RARB: variants seen among roughly 807,000 people sequenced by gnomAD.
RARB encodes HBV-activated protein.
A neutral mutation model predicts 51.9 loss-of-function variants in RARB; 17 were observed. That is an observed-to-expected ratio of 0.33 (90% CI 0.22 to 0.49). RARB has a LOEUF of 0.49. Among genes scored for constraint, RARB ranks in the 20% least tolerant of loss-of-function variants. The pLI, the probability that RARB is intolerant of heterozygous loss-of-function variation, is 0.99. For missense variants in RARB, 369 were observed against 550.8 expected (o/e 0.67, Z 3.30); for synonymous variants, 215 against 195.4 (o/e 1.10, Z -0.84).
chr3:25,579,152 A>G (rs1489922480), intron 4 of RARB, among the ~76,000 whole-genome samples: 1 of 152,228 alleles, frequency 6.6e-6, no homozygotes, highest in African/African-American at 2.4e-5. Flanking sequence ...TTGAATTAAA[A>G]TTTAGATAAG....
At chr3:24,910,851 T>C (rs1694975977) in intron 2 of RARB, among the ~76,000 whole-genome samples, 1 of 152,216 alleles carries the variant, frequency 6.6e-6, no homozygotes, top group South Asian at 2.1e-4. Context: ...AACTCAGTTT[T>C]GTGGCTACTC....
chr3:25,063,708 C>CTT lies in RARB; in HGVS notation c.-328+3548_-328+3549dup, dbSNP rs749930990. Among the ~76,000 whole-genome samples the CTT allele has an allele frequency of 3.3e-3, 462 of 138,384 alleles. 10 individuals carry two copies. The East Asian group carries it at 0.044, about 13-fold the overall frequency. 90.8% of individuals were successfully genotyped at this position (138,384 alleles called of 152,430 possible). ...GGTCCGTAGACCTTGTAGTTTGAGA[C>CTT]TTTTTTTTTTTTTTTTTAAAAAGAT... On this transcript the variant is annotated intron_variant, in intron 3 of 11. Coordinates refer to the RARB transcript ENST00000383772.
At chr3:25,104,332 C>T (rs978526893) in intron 3 of RARB, among the ~76,000 whole-genome samples, 1 of 152,106 alleles carries the variant, frequency 6.6e-6, no homozygotes, top group South Asian at 2.1e-4. Context: ...TGAACATGCA[C>T]TCATCTTATC....
chr3:25,064,208 T>C (rs1416127989), intron 3 of RARB, among the ~76,000 whole-genome samples: 1 of 152,128 alleles, frequency 6.6e-6, no homozygotes, highest in East Asian at 1.9e-4. Flanking sequence ...CATTATAAGA[T>C]TGCCATCTCA....
At chr3:25,079,663 G>A (rs1295947989) in intron 3 of RARB, among the ~76,000 whole-genome samples, 1 of 151,982 alleles carries the variant, frequency 6.6e-6, no homozygotes. Flanking sequence ...TCTTTACTCT[G>A]TTAATGTGAT....
chr3:25,382,417 C>CG (rs1706655367), intron 5 of RARB, among the ~76,000 whole-genome samples: 2 of 152,058 alleles, frequency 1.3e-5, no homozygotes, highest in South Asian at 2.1e-4. Context: ...GAGAATTTCC[C>CG]CTGCAGGGAC....
intron 5 of RARB, among the ~76,000 whole-genome samples, chr3:25,364,624 G>A (rs2125466608): frequency 6.6e-6 from 1 of 152,332 alleles, no homozygotes; most frequent in Non-Finnish European, 1.5e-5. Context: ...GATGAAGTAA[G>A]AGAGCAATGG....
intron 3 of RARB, among the ~76,000 whole-genome samples, chr3:25,531,821 G>A (rs886358056): frequency 6.6e-6 from 1 of 151,982 alleles, no homozygotes; most frequent in Non-Finnish European, 1.5e-5. Context: ...ATTTGAGAGG[G>A]GCAAAGAAGA....
chr3:25,420,586 G>T (rs1255796595), intron 5 of RARB, among the ~76,000 whole-genome samples: 1 of 152,160 alleles, frequency 6.6e-6, no homozygotes, highest in Non-Finnish European at 1.5e-5. Context: ...TCTAGAGAAA[G>T]ATACATGCAT....
At chr3:25,285,544 A>C (rs73049708) in intron 5 of RARB, among the ~76,000 whole-genome samples, 16,355 of 152,182 alleles carry the variant, frequency 0.11, 1,093 homozygotes, top group Non-Finnish European at 0.16. Context: ...CTTGAATTGA[A>C]CCTGACAGAC....
intron 4 of RARB, among the ~76,000 whole-genome samples, chr3:25,151,734 A>C (rs966406923): frequency 6.6e-6 from 1 of 152,174 alleles, no homozygotes; most frequent in Non-Finnish European, 1.5e-5. Context: ...CGGAACAATA[A>C]GTGGATGTCC....
At chr3:25,429,871 T>G (rs556285254) in intron 1 of RARB, among the ~76,000 whole-genome samples, 1 of 152,290 alleles carries the variant, frequency 6.6e-6, no homozygotes, top group Admixed American at 6.5e-5. Flanking sequence ...TATCAAAATG[T>G]TTTTAGTACT....
Position 25,351,430 on chromosome 3 carries a change from T to A in RARB, c.179-109763T>A, listed in dbSNP as rs74841199. Reference sequence around the variant, plus strand: ...TATCGATCACAGAAAAATCGGATTTTCTTAATGAATATTATGTGCTTGCAT... The same window carrying A: ...TATCGATCACAGAAAAATCGGATTTACTTAATGAATATTATGTGCTTGCAT... On this transcript the variant is annotated intron_variant, in intron 5 of 11. Coordinates refer to the RARB transcript ENST00000383772. Among the ~76,000 whole-genome samples the A allele has an allele frequency of 1.0e-3, 158 of 152,290 alleles. 1 individual carries two copies. In the East Asian group the frequency reaches 0.027, roughly 26 times the overall value.
intron 5 of RARB, among the ~76,000 whole-genome samples, chr3:25,179,478 T>C (rs777800561): frequency 4.6e-5 from 7 of 152,232 alleles, no homozygotes; most frequent in Non-Finnish European, 8.8e-5. Flanking sequence ...CTTAATATAT[T>C]GCTGGTATTT....
At chr3:25,208,011 A>G (rs139387669) in intron 5 of RARB, among the ~76,000 whole-genome samples, 1 of 150,688 alleles carries the variant, frequency 6.6e-6, no homozygotes, top group Non-Finnish European at 1.5e-5. Flanking sequence ...AGTGGGAGCA[A>G]GAGAGGGCAA....
chr3:25,468,575 T>C (rs1017964168), intron 2 of RARB, among the ~76,000 whole-genome samples: 7 of 152,006 alleles, frequency 4.6e-5, no homozygotes, highest in African/African-American at 1.7e-4. Flanking sequence ...ACCCCACTGC[T>C]TCAGCCACAC....
chr3:25,251,242 AT>A (rs1299702263), intron 5 of RARB, among the ~76,000 whole-genome samples: 1 of 152,084 alleles, frequency 6.6e-6, no homozygotes, highest in Non-Finnish European at 1.5e-5. Flanking sequence ...TTTTATAGAT[AT>A]AGAATGTTAT....
chr3:24,896,863 G>C (rs1420401612), intron 2 of RARB, among the ~76,000 whole-genome samples: 1 of 152,148 alleles, frequency 6.6e-6, no homozygotes, highest in East Asian at 1.9e-4. Flanking sequence ...ACCAAGACTT[G>C]AGCTGTTATG....
At chr3:25,115,200 A>G (rs1699665761) in intron 3 of RARB, among the ~76,000 whole-genome samples, 1 of 152,212 alleles carries the variant, frequency 6.6e-6, no homozygotes, top group Non-Finnish European at 1.5e-5. Flanking sequence ...TACTAAAAAA[A>G]TGGTTTTACT....
Sources: allele counts gnomAD v4.1 joint callset (sites outside exome capture counted in the v4.1 genomes callset), GRCh38; gene constraint gnomAD v4.1.1; transcripts MANE v1.5; gene names NCBI Gene and HGNC (gene_info 2026-07-23, HGNC 2026-07-21).